DCAF12: variants seen among roughly 807,000 people sequenced by gnomAD.
DCAF12 encodes DDB1 and CUL4 associated factor 12, also known as DDB1- and CUL4-associated factor 12.
A neutral mutation model predicts 52.8 loss-of-function variants in DCAF12; 28 were observed. That is an observed-to-expected ratio of 0.53 (90% CI 0.39 to 0.73). The LOEUF (loss-of-function observed/expected upper bound fraction) is 0.73, where lower values mean the gene tolerates loss of function less well. DCAF12 is among the 30% of genes least tolerant of loss of function. The pLI is 0.00. For synonymous variants in DCAF12, 196 were observed against 215.5 expected (o/e 0.91, Z 0.79); for missense variants, 425 against 552.2 (o/e 0.77, Z 2.31).
chr9:34,100,488 A>G (rs1019314758), intron 4 of DCAF12, among the ~76,000 whole-genome samples: 1 of 145,274 alleles, frequency 6.9e-6, no homozygotes, highest in Non-Finnish European at 1.5e-5. Context: ...GTGAGACACC[A>G]CGCCCAGCTT....
intron 2 of DCAF12, among the ~76,000 whole-genome samples, chr9:34,114,092 G>T (rs1427650599): frequency 2.7e-5 from 4 of 149,404 alleles, no homozygotes; most frequent in Non-Finnish European, 6.0e-5. Context: ...TGGGCGACAG[G>T]GCAAATACTC....
rs1828707983 is a variant in DCAF12 at position 34,094,767 on chromosome 9, C to CAT, written c.862-1320_862-1319insAT. On this transcript the variant is annotated intron_variant, in intron 6 of 8. Coordinates refer to ENST00000361264, the MANE Select transcript of DCAF12 (RefSeq NM_015397.4). The stretch of plus-strand genomic sequence containing the variant: ...GGATGGTCTCAATCTCCTGACCTTG[C>CAT]GATCCGCCCACCTTGGCCTCCCAAA... Among the ~76,000 whole-genome samples, 19 of 151,818 alleles carry CAT rather than the reference C, an allele frequency of 1.3e-4. No homozygotes were observed. The South Asian group carries it at 3.9e-3, about 32-fold the overall frequency.
intron 2 of DCAF12, among the ~76,000 whole-genome samples, chr9:34,121,509 C>T (rs1829173418): frequency 6.6e-6 from 1 of 152,186 alleles, no homozygotes; most frequent in Admixed American, 6.5e-5. Flanking sequence ...AGAACAGTCC[C>T]TGGTAGTCTT....
At chr9:34,105,810 G>A (rs138557819) in intron 4 of DCAF12, among the ~76,000 whole-genome samples, 13,647 of 146,292 alleles carry the variant, frequency 0.093, 904 homozygotes, top group Non-Finnish European at 0.13. Context: ...GTGCAGTGGC[G>A]CGATCTCAGC....
In DCAF12 at chr9:34,112,036, G is replaced by A. The variant is rs144790428; in HGVS notation, c.334-4471C>T. Among the ~76,000 whole-genome samples the A allele has an allele frequency of 4.1e-3, 621 of 151,918 alleles. 4 individuals carry two copies. The highest frequency in any genetic ancestry group is 7.5e-3 in the Non-Finnish European group (509 of 67,956). ...CGGGCGCCTGTAATCCCAGCTACTC[G>A]GGAGGCTGAGACAGGAGAATTGCTT... is the stretch of plus-strand genomic sequence containing the variant. On this transcript the variant is annotated intron_variant, in intron 2 of 8. Transcript: ENST00000361264.
intron 2 of DCAF12, among the ~76,000 whole-genome samples, chr9:34,114,086 C>G (rs1468570652): frequency 6.7e-6 from 1 of 149,422 alleles, no homozygotes; most frequent in African/African-American, 2.5e-5. Context: ...CCAGCCTGGG[C>G]GACAGGGCAA....
chr9:34,107,590 G>A, intron 2 of DCAF12, 25 bp from the exon 3 acceptor site: 1 of 1,608,670 alleles, frequency 6.2e-7, no homozygotes, highest in East Asian at 2.2e-5. Flanking sequence ...GGATACAGAA[G>A]CTGAACATAA....
At chr9:34,122,949 C>G (rs542123539) in intron 2 of DCAF12, among the ~76,000 whole-genome samples, 8 of 152,170 alleles carry the variant, frequency 5.3e-5, no homozygotes, top group Non-Finnish European at 8.8e-5. Context: ...TCTGAATTTG[C>G]GTAAGTCTAA....
chr9:34,109,510 T>C (rs930192016), intron 2 of DCAF12: 6 of 155,278 alleles, frequency 3.9e-5, no homozygotes, highest in African/African-American at 1.4e-4. Flanking sequence ...AGCATTTACT[T>C]ATCCACCTCC....
Position 34,098,509 on chromosome 9 carries a change from C to T in DCAF12, c.610G>A (p.Asp204Asn). 1 of 1,613,012 alleles carries T rather than the reference C, an allele frequency of 6.2e-7. No homozygotes were observed. Among genetic ancestry groups the T allele is most frequent in the South Asian group, 1.1e-5 (1 of 90,920 alleles). ...SDTMAVSGSR[D>N]GSMGLWEVTD... Reference sequence around the variant, plus strand: ...ACCTCCCAGAGTCCCATAGAACCATCACGTGAGCCTGCAGGGCCAGGAGAA... The same window carrying T: ...ACCTCCCAGAGTCCCATAGAACCATTACGTGAGCCTGCAGGGCCAGGAGAA... The change falls in exon 5 of 9, where the codon GAT (aspartate) becomes AAT (asparagine). Residue 204 changes from aspartate (D) to asparagine (N), a missense_variant. Coordinates refer to ENST00000361264, the MANE Select transcript of DCAF12 (RefSeq NM_015397.4).
chr9:34,117,946 G>A (rs1166195898), intron 2 of DCAF12, among the ~76,000 whole-genome samples: 2 of 151,934 alleles, frequency 1.3e-5, no homozygotes, highest in Non-Finnish European at 2.9e-5. Flanking sequence ...AATTATTCTT[G>A]GACTGTTAAA....
Position 34,086,747 on chromosome 9 carries a change from G to A in DCAF12, c.*1603C>T, listed in dbSNP as rs1828562572. 1 of 152,142 alleles carries A rather than the reference G, an allele frequency of 6.6e-6. No individual in the cohort carries two copies. Among genetic ancestry groups the A allele is most frequent in the South Asian group, 2.1e-4 (1 of 4,824 alleles). The allele number at this position is 152,142 out of a possible 1,614,324, so 9.4% of individuals were successfully genotyped here. On this transcript the variant is annotated 3_prime_UTR_variant, in exon 9 of 9. Transcript: ENST00000361264. ...ATGTGCTGTGTAACAAGTTAGGGTG[G>A]ACTTGCTGTCTCTCCTCTCCAGTAG...
At position 34,103,653 on chromosome 9, in the gene DCAF12, A is replaced by G. The variant is rs1180938063; in HGVS notation, c.601+2781T>C. ...AGGATCGCTTGAGCCTAGGAGTTTG[A>G]CAGCAGCCTGGGCAACAAAGCGAGA... On this transcript the variant is annotated intron_variant, in intron 4 of 8. Coordinates refer to ENST00000361264, the MANE Select transcript of DCAF12 (RefSeq NM_015397.4). 2.0e-4 allele frequency among the ~76,000 whole-genome samples: 30 copies of G among 152,090 alleles called. 2 individuals are homozygous for G. The highest frequency in any genetic ancestry group is 2.0e-3 in the Admixed American group (30 of 15,246).
At chr9:34,124,303 T>C (rs1829215450) in intron 2 of DCAF12, among the ~76,000 whole-genome samples, 1 of 152,218 alleles carries the variant, frequency 6.6e-6, no homozygotes, top group Non-Finnish European at 1.5e-5. Context: ...CTCTTTTCAT[T>C]TGCCAGTCTT....
intron 2 of DCAF12, among the ~76,000 whole-genome samples, chr9:34,118,202 C>T (rs1174963411): frequency 6.6e-6 from 1 of 152,166 alleles, no homozygotes; most frequent in Non-Finnish European, 1.5e-5. Flanking sequence ...GGCACAATCT[C>T]AGTTCACTAC....
intron 2 of DCAF12, among the ~76,000 whole-genome samples, chr9:34,117,980 T>C (rs1196089677): frequency 6.6e-6 from 1 of 152,122 alleles, no homozygotes; most frequent in Admixed American, 6.5e-5. Context: ...TAGTATTGCT[T>C]TTATATGTTT....
chr9:34,106,537 A>C (rs1344224382), intron 3 of DCAF12, 43 bp from the exon 4 acceptor site: 14 of 1,482,462 alleles, frequency 9.4e-6, no homozygotes, highest in Middle Eastern at 1.7e-4. Flanking sequence ...GAAAATAAGA[A>C]ATTAGTAAAA....
intron 6 of DCAF12, among the ~76,000 whole-genome samples, chr9:34,095,386 T>TTA (rs1410694307): frequency 1.5e-5 from 2 of 137,894 alleles, no homozygotes; most frequent in African/African-American, 5.5e-5. Flanking sequence ...TTTTTTTTTT[T>TTA]TTTTTTTTTT....
Position 34,126,382 on chromosome 9 carries a change from C to T in DCAF12, c.50G>A (p.Gly17Glu), listed in dbSNP as rs1289096571. 1.2e-6 allele frequency: 2 copies of T among 1,612,018 alleles called. No individual in the cohort carries two copies. Among genetic ancestry groups the T allele is most frequent in the Non-Finnish European group, 8.5e-7 (1 of 1,179,806 alleles). Residue 17 changes from glycine to glutamate, a missense_variant, in exon 1 of 9, where the codon GGA becomes GAA. Transcript: ENST00000361264. The stretch of plus-strand genomic sequence containing the variant: ...CGGGCCCTGAGCGTCGCTCCCAGCT[C>T]CCGGCGAGGCGGGCGCTTTCCGCTT... ...SRKRKAPASP[G>E]AGSDAQGPQF...
Sources: gnomAD v4.1 joint callset for allele counts (sites outside exome capture counted in the v4.1 genomes callset) on GRCh38, gnomAD v4.1.1 for gene constraint, MANE v1.5 for transcripts, NCBI Gene and HGNC (gene_info 2026-07-23, HGNC 2026-07-21) for gene names.